DOCK1: variants seen among roughly 807,000 people sequenced by gnomAD.
The protein encoded by DOCK1 is dedicator of cytokinesis protein 1.
DOCK1 carries 138 observed loss-of-function variants against 262.7 expected under a neutral mutation model. The observed-to-expected ratio is 0.53, with a 90% CI of 0.46 to 0.61. The LOEUF is 0.61. Among genes scored for constraint, DOCK1 ranks in the 20% least tolerant of loss-of-function variants. The pLI, the probability that DOCK1 is intolerant of heterozygous loss-of-function variation, is 0.00. For synonymous variants in DOCK1, 866 were observed against 867.4 expected, an observed-to-expected ratio of 1.00 and a Z score of 0.03; for missense variants, 1,908 against 2,370.7, an observed-to-expected ratio of 0.80 and a Z score of 4.05.
chr10:127,289,870 C>CT (rs35573082), intron 29 of DOCK1, among the ~76,000 whole-genome samples: 194 of 140,916 alleles, frequency 1.4e-3, no homozygotes, highest in Admixed American at 3.7e-3. Flanking sequence ...ATGTCTTATG[C>CT]TTTTTTTTTT....
chr10:126,953,132 A>G (rs2036454396), intron 1 of DOCK1, among the ~76,000 whole-genome samples: 1 of 150,314 alleles, frequency 6.7e-6, no homozygotes, highest in Non-Finnish European at 1.5e-5. Flanking sequence ...TGGTGGAAGT[A>G]TTGGTAGTAA....
intron 40 of DOCK1, among the ~76,000 whole-genome samples, chr10:127,406,380 C>G (rs879821203): frequency 1.3e-5 from 2 of 152,086 alleles, no homozygotes; most frequent in Non-Finnish European, 2.9e-5. Flanking sequence ...TCTCCACCAC[C>G]AAAAGGACAA....
At chr10:127,138,713 C>T (rs1270003158) in intron 27 of DOCK1, among the ~76,000 whole-genome samples, 1 of 152,186 alleles carries the variant, frequency 6.6e-6, no homozygotes, top group African/African-American at 2.4e-5. Context: ...ATCACTCAAG[C>T]CATGGCGTGC....
rs545595527 is a variant in DOCK1 at position 127,275,992 on chromosome 10, C to T, written c.3044+18563C>T. On this transcript the variant is annotated intron_variant, in intron 29 of 51. Transcript: ENST00000623213. The stretch of plus-strand genomic sequence containing the variant: ...CCCTGCGGCTCATGCTGCCTTATTA[C>T]GTAATGCCCTGGAGAGGCCTCACAA... Among the ~76,000 whole-genome samples, 10 of 152,336 alleles carry T rather than the reference C, an allele frequency of 6.6e-5. No homozygotes were observed. In the South Asian group the frequency reaches 1.0e-3, roughly 16 times the overall value.
intron 23 of DOCK1, among the ~76,000 whole-genome samples, chr10:127,080,316 A>G (rs1364109418): frequency 6.6e-6 from 1 of 152,152 alleles, no homozygotes; most frequent in Non-Finnish European, 1.5e-5. Context: ...AGCTGGGTTG[A>G]TAATTTCCTT....
chr10:127,091,302 C>A (rs1018059605), intron 23 of DOCK1, among the ~76,000 whole-genome samples: 14 of 152,230 alleles, frequency 9.2e-5, no homozygotes, highest in African/African-American at 2.9e-4. Context: ...ATTTTTAATT[C>A]TTTTGGGTAT....
At chr10:126,979,863 T>A (rs986842543) in intron 3 of DOCK1, among the ~76,000 whole-genome samples, 1 of 152,196 alleles carries the variant, frequency 6.6e-6, no homozygotes, top group African/African-American at 2.4e-5. Flanking sequence ...GTTATAAGTG[T>A]GCAGTTGATT....
intron 38 of DOCK1, among the ~76,000 whole-genome samples, chr10:127,390,499 G>A (rs528905742): frequency 6.6e-6 from 1 of 152,290 alleles, no homozygotes; most frequent in East Asian, 1.9e-4. Flanking sequence ...TCATTAGGGT[G>A]GGCCCTAATC....
chr10:127,407,390 G>A (rs1025856289), intron 40 of DOCK1, among the ~76,000 whole-genome samples: 1 of 152,070 alleles, frequency 6.6e-6, no homozygotes, highest in Admixed American at 6.6e-5. Context: ...GCTCTCTGGG[G>A]CCTCTTTTCT....
At chr10:127,351,476 A>G (rs2063877473) in intron 31 of DOCK1, among the ~76,000 whole-genome samples, 1 of 152,170 alleles carries the variant, frequency 6.6e-6, no homozygotes, top group African/African-American at 2.4e-5. Flanking sequence ...AGGCATGGAA[A>G]GTCCCTGTCC....
chr10:127,076,712 G>C (rs1265433025), intron 23 of DOCK1, among the ~76,000 whole-genome samples: 1 of 152,138 alleles, frequency 6.6e-6, no homozygotes, highest in Non-Finnish European at 1.5e-5. Flanking sequence ...CATTGGTGGA[G>C]CTGCTCCATT....
At chr10:126,970,863 A>G (rs2038053223) in intron 2 of DOCK1, 78 bp downstream of exon 2, 2 of 1,505,120 alleles carry the variant, frequency 1.3e-6, no homozygotes, top group Non-Finnish European at 1.8e-6. Flanking sequence ...TGGGCAAAGC[A>G]TTCCTCTGTT....
Position 127,185,500 on chromosome 10 carries a change from A to G in DOCK1, c.2847+57736A>G, listed in dbSNP as rs534721711. Reference sequence around the variant, plus strand: ...GAGATTGCACCACTGCACTCCAGCAAGAGAATCTTAACACTATACATCACA... The same window carrying G: ...GAGATTGCACCACTGCACTCCAGCAGGAGAATCTTAACACTATACATCACA... On this transcript the variant is annotated intron_variant, in intron 27 of 51. Coordinates refer to ENST00000623213, the MANE Select transcript of DOCK1 (RefSeq NM_001290223.2). Among the ~76,000 whole-genome samples the G allele has an allele frequency of 2.6e-5, 4 of 152,312 alleles. No homozygotes were observed. In the South Asian group the frequency reaches 8.3e-4, roughly 32 times the overall value.
chr10:127,186,491 C>A (rs1054975881), intron 27 of DOCK1, among the ~76,000 whole-genome samples: 1 of 110,918 alleles, frequency 9.0e-6, no homozygotes, highest in Non-Finnish European at 1.7e-5. Context: ...ATCATGATAA[C>A]AGCATGGGAG....
chr10:126,915,341 A>G (rs1366184572), intron 1 of DOCK1, among the ~76,000 whole-genome samples: 1 of 149,050 alleles, frequency 6.7e-6, no homozygotes, highest in Non-Finnish European at 1.5e-5. Flanking sequence ...TTTGCTACTT[A>G]TGTCCTATAG....
intron 27 of DOCK1, among the ~76,000 whole-genome samples, chr10:127,201,006 T>C (rs1458274688): frequency 6.6e-6 from 1 of 152,196 alleles, no homozygotes; most frequent in Non-Finnish European, 1.5e-5. Context: ...ACCCGTCAGT[T>C]CAGAAGCTGT....
Position 127,209,188 on chromosome 10 carries a change from C to CG in DOCK1, c.2848-38820_2848-38819insG, listed in dbSNP as rs2057858982. On this transcript the variant is annotated intron_variant, in intron 27 of 51. Transcript: ENST00000623213. ...ACAAGTGGCAGCTTTGAGAAGGTTT[C>CG]AGTTCTTTACACTGAGATTCCAGTG... Among the ~76,000 whole-genome samples the CG allele has an allele frequency of 5.6e-3, 5 of 892 alleles. No individual in the cohort carries two copies. In the Admixed American group the frequency reaches 0.19, roughly 34 times the overall value. 0.6% of individuals were successfully genotyped at this position (892 alleles called of 152,430 possible).
chr10:127,321,286 C>T, intron 29 of DOCK1, among the ~76,000 whole-genome samples: 1 of 139,342 alleles, frequency 7.2e-6, no homozygotes, highest in East Asian at 2.3e-4. Flanking sequence ...CCTATCCTCC[C>T]CTCCCCTCTC....
intron 33 of DOCK1, among the ~76,000 whole-genome samples, chr10:127,364,881 T>C (rs2064814353): frequency 1.3e-5 from 2 of 151,942 alleles, no homozygotes; most frequent in South Asian, 4.1e-4. Context: ...TTTTTTTCCA[T>C]GATAGCAGAA....
Sources: gnomAD v4.1 joint callset for allele counts (sites outside exome capture counted in the v4.1 genomes callset) on GRCh38, gnomAD v4.1.1 for gene constraint, MANE v1.5 for transcripts, NCBI Gene and HGNC (gene_info 2026-07-23, HGNC 2026-07-21) for gene names.